The following KIN variants were observed in gnomAD, a reference collection of about 807,000 sequenced individuals.
The protein encoded by KIN is DNA/RNA-binding protein KIN17.
Under a neutral mutation model 63.0 loss-of-function variants are expected in KIN, and 47 were observed. The observed-to-expected ratio is 0.75, with a 90% confidence interval of 0.59 to 0.95. The LOEUF is 0.95. Ranked by LOEUF, KIN falls within the 40% of genes least tolerant of loss-of-function variation. KIN has a pLI of 0.00. For synonymous variants in KIN, 160 were observed against 157.7 expected, an observed-to-expected ratio of 1.01 and a Z score of -0.11; for missense variants, 408 against 460.9, an observed-to-expected ratio of 0.89 and a Z score of 1.05.
In KIN at chr10:7,752,713, A is replaced by C. The variant is rs1390530232; in HGVS notation, c.*3367T>G. 1 of 152,248 alleles carries C rather than the reference A, an allele frequency of 6.6e-6. No individual in the cohort carries two copies. The highest frequency in any genetic ancestry group is 2.4e-5 in the African/African-American group (1 of 41,456). The allele number at this position is 152,248 out of a possible 1,614,324, so 9.4% of individuals were successfully genotyped here. Reference sequence around the variant, plus strand: ...ATAAACTGTGGTGCATTCAGACAATAGAATATGCAGTGCTAAAATGAAGTG... The same window carrying C: ...ATAAACTGTGGTGCATTCAGACAATCGAATATGCAGTGCTAAAATGAAGTG... On this transcript the variant is annotated 3_prime_UTR_variant, in exon 13 of 13. Coordinates refer to ENST00000379562, the MANE Select transcript of KIN (RefSeq NM_012311.4).
rs1481025011 is a variant in KIN at position 7,752,493 on chromosome 10, G to A, written c.*3587C>T. The stretch of plus-strand genomic sequence containing the variant: ...GCTCGTTTGAATACAAAATGGTACA[G>A]TCACTCTGGAAGACAGGTTGGTAGT... On this transcript the variant is annotated 3_prime_UTR_variant, in exon 13 of 13. Transcript: ENST00000379562. The A allele has an allele frequency of 6.6e-6, 1 of 152,230 alleles. No individual in the cohort carries two copies. The highest frequency in any genetic ancestry group is 6.5e-5 in the Admixed American group (1 of 15,284). The allele number at this position is 152,230 out of a possible 1,614,324, so 9.4% of individuals were successfully genotyped here.
At position 7,774,821 on chromosome 10, in the gene KIN, T is replaced by G. The variant is rs767577177; in HGVS notation, c.668+10A>C. Reference sequence around the variant, plus strand: ...AATGTTTTAAGATATCCGTGAATGATGCAGCTCACCTTGACTTGGAAGATG... The same window carrying G: ...AATGTTTTAAGATATCCGTGAATGAGGCAGCTCACCTTGACTTGGAAGATG... On this transcript the variant is annotated intron_variant, in intron 7 of 12. Coordinates refer to ENST00000379562, the MANE Select transcript of KIN (RefSeq NM_012311.4). 2 of 1,602,854 alleles carry G rather than the reference T, an allele frequency of 1.2e-6. No homozygotes were observed. Among genetic ancestry groups the G allele is most frequent in the Admixed American group, 3.3e-5 (2 of 59,948 alleles).
At position 7,778,835 on chromosome 10, in the gene KIN, C is replaced by T. The variant is rs1455588832; in HGVS notation, c.558+3G>A. Reference sequence around the variant, plus strand: ...GCTTCTCAGGATGATGTTGCTTACCCACCTGTTCCTTCCCTTCCAGGCCTC... The same window carrying T: ...GCTTCTCAGGATGATGTTGCTTACCTACCTGTTCCTTCCCTTCCAGGCCTC... On this transcript the variant is annotated splice_donor_region_variant and intron_variant, in intron 5 of 12. Transcript: ENST00000379562. 3 of 1,613,388 alleles carry T rather than the reference C, an allele frequency of 1.9e-6. No individual in the cohort carries two copies. The highest frequency in any genetic ancestry group is 3.3e-5 in the Admixed American group (2 of 59,828).
chr10:7,780,416 C>CTCTGTCTCAAAAA, intron 2 of KIN, 109 bp from the exon 3 acceptor site: 1 of 897,120 alleles, frequency 1.1e-6, no homozygotes, highest in Non-Finnish European at 1.7e-6. Flanking sequence ...TTTTTTGAGA[C>CTCTGTCTCAAAAA]AGAGTCTCGT....
chr10:7,783,173 A>C lies in KIN; in HGVS notation c.117T>G (p.Asn39Lys). Residue 39 changes from asparagine (N) to lysine (K), a missense_variant and splice_region_variant, in exon 2 of 13, where the codon AAT becomes AAG. Around this residue, in one of 2 missense-constraint regions of KIN, gnomAD observed 110 missense variants for 164.9 expected, o/e 0.67. Transcript: ENST00000379562. ...QMCQKQCRDE[N>K]GFKCHCMSES... ...CGGACATACAATGACACTTAAAGCCATTCTACAAAAAATGTAAAAGCAATA... is the reference window on the plus strand; with the variant it reads ...CGGACATACAATGACACTTAAAGCCCTTCTACAAAAAATGTAAAAGCAATA... The C allele has an allele frequency of 6.4e-7, 1 of 1,563,750 alleles. No individual in the cohort carries two copies. The highest frequency in any genetic ancestry group is 8.7e-7 in the Non-Finnish European group (1 of 1,151,610).
Position 7,752,912 on chromosome 10 carries a change from G to C in KIN, c.*3168C>G, listed in dbSNP as rs1259610291. ...AGTAAAAAGATCAGCGGTCAGCAGG[G>C]ATTTGGGGGGAGACAGGGAACAGAC... On this transcript the variant is annotated 3_prime_UTR_variant, in exon 13 of 13. Coordinates refer to ENST00000379562, the MANE Select transcript of KIN (RefSeq NM_012311.4). 1.3e-5 allele frequency: 2 copies of C among 152,244 alleles called. No individual in the cohort carries two copies. The highest frequency in any genetic ancestry group is 2.4e-5 in the African/African-American group (1 of 41,444). 9.4% of individuals were successfully genotyped at this position (152,244 alleles called of 1,614,324 possible). A position where few individuals can be genotyped will look rare whatever the true frequency, so the allele number is the denominator to read the frequency against.
Position 7,756,014 on chromosome 10 carries a change from T to C in KIN, c.*66A>G. ...TATACCCTAACACAGTAGAGTCTCA[T>C]AATGCCTTGGCGAACACCAATTTGA... On this transcript the variant is annotated 3_prime_UTR_variant, in exon 13 of 13. Transcript: ENST00000379562. 1 of 941,174 alleles carries C rather than the reference T, an allele frequency of 1.1e-6. No individual in the cohort carries two copies. The highest frequency in any genetic ancestry group is 1.7e-6 in the Non-Finnish European group (1 of 595,252). 58.3% of individuals were successfully genotyped at this position (941,174 alleles called of 1,614,324 possible).
intron 7 of KIN, among the ~76,000 whole-genome samples, chr10:7,771,373 T>A (rs1027217708): frequency 1.5e-4 from 23 of 152,192 alleles, no homozygotes; most frequent in African/African-American, 5.5e-4. Context: ...CATAATCTGT[T>A]GGAAATGCTT....
intron 11 of KIN, among the ~76,000 whole-genome samples, chr10:7,761,853 T>C (rs554782825): frequency 1.3e-5 from 2 of 152,060 alleles, no homozygotes; most frequent in East Asian, 3.9e-4. Context: ...AATACAAAAA[T>C]TAGCCAGATG....
intron 2 of KIN, among the ~76,000 whole-genome samples, chr10:7,782,401 ATT>A (rs374027414): frequency 4.2e-5 from 6 of 141,744 alleles, no homozygotes; most frequent in Non-Finnish European, 4.6e-5. Flanking sequence ...TTTTAGTGCC[ATT>A]TTTTTTTTTT....
At chr10:7,756,225 A>C in intron 12 of KIN, 83 bp from the exon 13 acceptor site, 1 of 759,968 alleles carries the variant, frequency 1.3e-6, no homozygotes, top group Non-Finnish European at 2.0e-6. Context: ...TATGGATACA[A>C]ATTTGCCTTT....
intron 9 of KIN, 82 bp from the exon 10 acceptor site, chr10:7,763,873 A>C: frequency 1.5e-6 from 1 of 665,184 alleles, no homozygotes; most frequent in Non-Finnish European, 2.5e-6. Flanking sequence ...AACTATGTTC[A>C]CCCAAAACCA....
chr10:7,766,968 A>C (rs1485223939), intron 8 of KIN, among the ~76,000 whole-genome samples: 3 of 151,340 alleles, frequency 2.0e-5, no homozygotes, highest in Non-Finnish European at 4.4e-5. Context: ...GGTTGCAGTG[A>C]GCCGAGGTCA....
intron 8 of KIN, among the ~76,000 whole-genome samples, chr10:7,767,134 T>C (rs1835562735): frequency 6.6e-6 from 1 of 152,194 alleles, no homozygotes; most frequent in South Asian, 2.1e-4. Context: ...CATTTTTCTT[T>C]GAATAAAATT....
chr10:7,787,811 C>A lies in KIN; in HGVS notation c.114+9G>T, dbSNP rs1207053860. The A allele has an allele frequency of 1.9e-6, 3 of 1,598,168 alleles. No individual in the cohort carries two copies. The highest frequency in any genetic ancestry group is 3.3e-5 in the Admixed American group (2 of 60,018). ...CCTGGGAAGACGGGGCCACTCCGGG[C>A]CCACTCACCTCGTCCCGGCACTGCT... On this transcript the variant is annotated intron_variant, in intron 1 of 12. Transcript: ENST00000379562.
intron 11 of KIN, 86 bp downstream of exon 11, chr10:7,762,371 A>T: frequency 1.4e-6 from 1 of 695,380 alleles, no homozygotes; most frequent in Non-Finnish European, 2.4e-6. Flanking sequence ...ATAACAACCA[A>T]CAAGTACTGT....
Position 7,774,888 on chromosome 10 carries a change from G to C in KIN, c.611C>G (p.Thr204Arg). ...LSRENDEEKV[T>R]FNLSKGACSS... ...ACATGCTCCTTTACTCAAATTAAAC[G>C]TGACTAGAAGAAAAAAATGTTATTC... The change falls in exon 7 of 13, where the codon ACG becomes AGG. Residue 204 changes from threonine to arginine, a missense_variant. Thr to Arg is a moderately conservative substitution (Grantham distance 71, BLOSUM62 -1). Coordinates refer to ENST00000379562, the MANE Select transcript of KIN (RefSeq NM_012311.4). The C allele has an allele frequency of 6.2e-7, 1 of 1,609,546 alleles. No individual in the cohort carries two copies. The highest frequency in any genetic ancestry group is 8.5e-7 in the Non-Finnish European group (1 of 1,176,426).
In KIN at chr10:7,783,149, G is replaced by A. The variant is rs768927628; in HGVS notation, c.141C>T (p.Ser47=). The A allele has an allele frequency of 4.2e-5, 67 of 1,595,688 alleles. No individual in the cohort carries two copies. The highest frequency in any genetic ancestry group is 4.0e-5 in the African/African-American group (3 of 74,288). ...DENGFKCHCM[S]ESHQRQLLLA... is the part of the protein sequence containing the mutation. ...GCAATAGTTGTCTCTGATGAGATTC[G>A]GACATACAATGACACTTAAAGCCAT... Residue 47 remains serine, a synonymous_variant, in exon 2 of 13, where the codon TCC becomes TCT. Coordinates refer to ENST00000379562, the MANE Select transcript of KIN (RefSeq NM_012311.4).
chr10:7,766,829 C>T (rs1466218932), intron 8 of KIN, among the ~76,000 whole-genome samples: 2 of 151,962 alleles, frequency 1.3e-5, no homozygotes, highest in Non-Finnish European at 2.9e-5. Flanking sequence ...TGAGACTAGC[C>T]TGGCGAACAC....
Sources: allele counts gnomAD v4.1 joint callset (sites outside exome capture counted in the v4.1 genomes callset), GRCh38; gene constraint gnomAD v4.1.1; regional missense constraint gnomAD v4.1.1; transcripts MANE v1.5; gene names NCBI Gene and HGNC (gene_info 2026-07-23, HGNC 2026-07-21).